Variants in MRPL13 observed in about 807,000 individuals in gnomAD.
MRPL13 encodes mitochondrial ribosomal protein L13, also known as large ribosomal subunit protein uL13m.
In MRPL13, 33 loss-of-function variants were observed where a neutral mutation model predicts 29.0. The observed-to-expected ratio is 1.14, with a 90% CI of 0.86 to 1.52. MRPL13 has a LOEUF of 1.52. MRPL13 is among the 40% of genes most tolerant of loss of function. The pLI, the probability that MRPL13 is intolerant of heterozygous loss-of-function variation, is 0.00. For missense variants in MRPL13, 227 were observed against 216.7 expected (o/e 1.05, Z -0.30); for synonymous variants, 77 against 68.4 (o/e 1.13, Z -0.62).
intron 6 of MRPL13, 112 bp downstream of exon 6, chr8:120,413,879 G>A (rs1812770255): frequency 2.3e-6 from 3 of 1,301,640 alleles, no homozygotes; most frequent in African/African-American, 3.1e-5. Context: ...GTTCCCAGGG[G>A]AGCAAAAAAA....
At chr8:120,397,039 TGCCCACC>T (rs1161460070) in intron 6 of MRPL13, among the ~76,000 whole-genome samples, 4 of 152,148 alleles carry the variant, frequency 2.6e-5, no homozygotes, top group African/African-American at 9.7e-5. Context: ...ATGGAGTGAC[TGCCCACC>T]TGGGAGTGGC....
intron 1 of MRPL13, 37 bp from the exon 2 acceptor site, chr8:120,443,345 AT>A: frequency 6.7e-7 from 1 of 1,484,294 alleles, no homozygotes; most frequent in Non-Finnish European, 9.0e-7. Context: ...AGAGGAAAAA[AT>A]AAAGATAATT....
At chr8:120,399,808 C>A (rs1385673288) in intron 6 of MRPL13, among the ~76,000 whole-genome samples, 1 of 151,850 alleles carries the variant, frequency 6.6e-6, no homozygotes, top group Non-Finnish European at 1.5e-5. Flanking sequence ...ATTTACCAAG[C>A]AAATGGAAAA....
At chr8:120,444,629 C>A (rs1414418439) in intron 1 of MRPL13, among the ~76,000 whole-genome samples, 3 of 152,150 alleles carry the variant, frequency 2.0e-5, no homozygotes, top group South Asian at 4.1e-4. Flanking sequence ...CCTCTACTAA[C>A]CCCTATTTCT....
At chr8:120,400,754 C>T (rs1198772801) in intron 6 of MRPL13, among the ~76,000 whole-genome samples, 3 of 150,446 alleles carry the variant, frequency 2.0e-5, no homozygotes, top group East Asian at 3.9e-4. Flanking sequence ...AAAAAATAGA[C>T]TGCTAGTTAG....
intron 4 of MRPL13, among the ~76,000 whole-genome samples, chr8:120,424,378 T>C (rs999719175): frequency 5.3e-5 from 8 of 152,168 alleles, no homozygotes; most frequent in African/African-American, 1.9e-4. Context: ...TCCCAGGTGT[T>C]TGGGAGGCCA....
At chr8:120,416,238 T>C (rs1812801521) in intron 5 of MRPL13, among the ~76,000 whole-genome samples, 2 of 152,188 alleles carry the variant, frequency 1.3e-5, no homozygotes, top group African/African-American at 4.8e-5. Context: ...CTCACGTCTG[T>C]AATCCCAGCA....
chr8:120,402,563 G>A (rs1812610468), intron 6 of MRPL13, among the ~76,000 whole-genome samples: 1 of 152,082 alleles, frequency 6.6e-6, no homozygotes, highest in Admixed American at 6.6e-5. Context: ...GAAAATCTGG[G>A]CAATACCATT....
At chr8:120,404,894 C>G (rs1812646903) in intron 6 of MRPL13, among the ~76,000 whole-genome samples, 1 of 152,090 alleles carries the variant, frequency 6.6e-6, no homozygotes, top group African/African-American at 2.4e-5. Flanking sequence ...GCTGCCAGTC[C>G]TTTGAAGGCA....
rs374062113 is a variant in MRPL13, at chr8:120,417,362, T to C, written c.393+2490A>G. Among the ~76,000 whole-genome samples the C allele has an allele frequency of 7.3e-4, 111 of 152,298 alleles. 1 individual carries two copies. The highest frequency in any genetic ancestry group is 2.6e-3 in the African/African-American group (106 of 41,564). On this transcript the variant is annotated intron_variant, in intron 5 of 6. Transcript: ENST00000306185. ...TACAAATAATAAATACTCTGTATTG[T>C]GGTATTTGGAAACTATAAATATCCT...
intron 6 of MRPL13, among the ~76,000 whole-genome samples, chr8:120,403,424 G>C (rs1381318694): frequency 2.0e-5 from 3 of 152,120 alleles, no homozygotes; most frequent in Non-Finnish European, 2.9e-5. Context: ...TCACGTATGG[G>C]AGCTGAAAGA....
intron 2 of MRPL13, among the ~76,000 whole-genome samples, chr8:120,434,553 G>A (rs1813031494): frequency 6.6e-6 from 1 of 151,970 alleles, no homozygotes; most frequent in Non-Finnish European, 1.5e-5. Context: ...ACAACCAGAT[G>A]GCAAAAAGTG....
At chr8:120,429,458 G>GT (rs886325129) in intron 3 of MRPL13, among the ~76,000 whole-genome samples, 1 of 150,604 alleles carries the variant, frequency 6.6e-6, no homozygotes, top group Non-Finnish European at 1.5e-5. Flanking sequence ...GTTTACTTAT[G>GT]TAACAAACCT....
chr8:120,423,126 G>A (rs571701445), intron 4 of MRPL13, among the ~76,000 whole-genome samples: 2 of 151,660 alleles, frequency 1.3e-5, no homozygotes, highest in South Asian at 4.2e-4. Flanking sequence ...TTTAAGAAAG[G>A]GAAAAATGAT....
At chr8:120,442,481 T>C (rs1159310782) in intron 2 of MRPL13, among the ~76,000 whole-genome samples, 1 of 152,196 alleles carries the variant, frequency 6.6e-6, no homozygotes. Flanking sequence ...TTCTTTAAAA[T>C]ATCACATATT....
intron 6 of MRPL13, among the ~76,000 whole-genome samples, chr8:120,409,988 C>T (rs1195730775): frequency 6.6e-6 from 1 of 152,228 alleles, no homozygotes; most frequent in South Asian, 2.1e-4. Context: ...CCCAACAATG[C>T]TAGCTTTTAA....
At chr8:120,434,888 T>A (rs1006657083) in intron 2 of MRPL13, among the ~76,000 whole-genome samples, 30 of 152,164 alleles carry the variant, frequency 2.0e-4, no homozygotes, top group African/African-American at 6.8e-4. Flanking sequence ...TTCTAGCATT[T>A]GTATAATTTT....
At chr8:120,425,190 G>C (rs1812917803) in intron 4 of MRPL13, 116 bp downstream of exon 4, 2 of 715,600 alleles carry the variant, frequency 2.8e-6, no homozygotes, top group Admixed American at 2.8e-5. Flanking sequence ...CAGCTAAAGT[G>C]AAGAATTTAT....
intron 6 of MRPL13, among the ~76,000 whole-genome samples, chr8:120,406,551 G>A (rs953682429): frequency 3.9e-4 from 30 of 76,926 alleles, no homozygotes; most frequent in Non-Finnish European, 6.5e-4. Flanking sequence ...TTATATATGT[G>A]TGCATGTGTG....
Sources: allele counts gnomAD v4.1 joint callset (sites outside exome capture counted in the v4.1 genomes callset), GRCh38; gene constraint gnomAD v4.1.1; transcripts MANE v1.5; gene names NCBI Gene and HGNC (gene_info 2026-07-23, HGNC 2026-07-21).